The following CSGALNACT1 variants were observed in gnomAD, a reference collection of about 807,000 sequenced individuals.
The protein encoded by CSGALNACT1 is beta4GalNAcT-1.
Under a neutral mutation model 51.0 loss-of-function variants are expected in CSGALNACT1, and 52 were observed. The observed-to-expected ratio is 1.02, with a 90% confidence interval of 0.82 to 1.29. The LOEUF is 1.29. Ranked by LOEUF, CSGALNACT1 falls within the 50% of genes most tolerant of loss-of-function variation. The probability of loss-of-function intolerance (pLI) is 0.00; values close to 1 mark genes in which losing one functional copy is unlikely to be tolerated. For missense variants in CSGALNACT1, 935 were observed against 679.2 expected (o/e 1.38, Z -4.19); for synonymous variants, 341 against 254.4 (o/e 1.34, Z -3.24).
At chr8:19,736,462 T>C (rs1437448717) in intron 1 of CSGALNACT1, among the ~76,000 whole-genome samples, 2 of 151,548 alleles carry the variant, frequency 1.3e-5, no homozygotes, top group Non-Finnish European at 2.9e-5. Flanking sequence ...TATCACTTCC[T>C]ATAGGGTTTT....
intron 2 of CSGALNACT1, among the ~76,000 whole-genome samples, chr8:19,601,165 C>T (rs1317800996): frequency 1.3e-5 from 2 of 152,154 alleles, no homozygotes; most frequent in Non-Finnish European, 2.9e-5. Context: ...AAGAGCAGAA[C>T]TAAAACAACA....
At chr8:19,667,006 A>AG (rs1299290566) in intron 1 of CSGALNACT1, among the ~76,000 whole-genome samples, 384 of 30,744 alleles carry the variant, frequency 0.012, 15 homozygotes, top group Middle Eastern at 0.033. Context: ...AAAGAAAGAA[A>AG]GAAAGAAAGA....
chr8:19,536,503 G>T (rs1342131778), intron 3 of CSGALNACT1, among the ~76,000 whole-genome samples: 1 of 152,052 alleles, frequency 6.6e-6, no homozygotes, highest in Non-Finnish European at 1.5e-5. Context: ...ACAAGACACA[G>T]ATGAAAATTT....
At chr8:19,700,794 C>A (rs1039638544) in intron 1 of CSGALNACT1, among the ~76,000 whole-genome samples, 8 of 152,188 alleles carry the variant, frequency 5.3e-5, no homozygotes, top group African/African-American at 1.9e-4. Context: ...TTCTTTGAAA[C>A]CCTTGAGGTC....
upstream of CSGALNACT1, among the ~76,000 whole-genome samples, chr8:19,604,100 G>A (rs192559327): frequency 9.2e-5 from 14 of 152,224 alleles, no homozygotes; most frequent in South Asian, 1.0e-3. Flanking sequence ...CTCCTTAGCC[G>A]TTCCAAGCAT....
At chr8:19,443,069 C>T (rs2061575095) in intron 5 of CSGALNACT1, among the ~76,000 whole-genome samples, 3 of 152,154 alleles carry the variant, frequency 2.0e-5, no homozygotes, top group African/African-American at 4.8e-5. Flanking sequence ...AACCACCATT[C>T]GGCTGCACCC....
chr8:19,584,113 G>T (rs2046152146), intron 3 of CSGALNACT1, among the ~76,000 whole-genome samples: 2 of 152,182 alleles, frequency 1.3e-5, no homozygotes. Context: ...GTAGTAAAGA[G>T]GCCATTTCTG....
At chr8:19,600,324 C>A (rs1204667894) in intron 2 of CSGALNACT1, among the ~76,000 whole-genome samples, 1 of 152,328 alleles carries the variant, frequency 6.6e-6, no homozygotes, top group East Asian at 1.9e-4. Context: ...TTGTGATCCA[C>A]CTGCTTCGGT....
chr8:19,756,553 C>T (rs28428748), intron 1 of CSGALNACT1, among the ~76,000 whole-genome samples: 1 of 151,654 alleles, frequency 6.6e-6, no homozygotes, highest in African/African-American at 2.4e-5. Context: ...CTACAGCTTT[C>T]CTCTCCTCCC....
intron 8 of CSGALNACT1, among the ~76,000 whole-genome samples, chr8:19,411,635 G>T (rs999675108): frequency 9.2e-5 from 14 of 152,192 alleles, no homozygotes; most frequent in African/African-American, 3.4e-4. Context: ...GTCTAAGGTG[G>T]AGTGTGTGAC....
rs115730539 is a variant in CSGALNACT1 at position 19,478,697 on chromosome 8, A to G, written c.635-20055T>C. ...ATTCTAGGAGTTAAGTGATGATAAA[A>G]ATAATGACCCCCCCTTTCTCCACTG... On this transcript the variant is annotated intron_variant, in intron 4 of 9. Transcript: ENST00000454498. 6.4e-3 allele frequency among the ~76,000 whole-genome samples: 974 copies of G among 152,164 alleles called. 19 individuals carry two copies. The highest frequency in any genetic ancestry group is 0.022 in the African/African-American group (928 of 41,424).
intron 2 of CSGALNACT1, among the ~76,000 whole-genome samples, chr8:19,601,038 C>T (rs11204057): frequency 0.9 from 137,196 of 152,194 alleles, 61,867 homozygotes; most frequent in East Asian, 1. Flanking sequence ...TTCATACCAT[C>T]GCATGTCAAC....
chr8:19,409,311 C>A (rs562270339), intron 8 of CSGALNACT1, among the ~76,000 whole-genome samples: 141 of 152,316 alleles, frequency 9.3e-4, no homozygotes, highest in Non-Finnish European at 1.8e-3. Flanking sequence ...AAGAAAGACT[C>A]TGTCCATTCA....
intron 6 of CSGALNACT1, among the ~76,000 whole-genome samples, chr8:19,423,154 AC>A (rs778549115): frequency 6.6e-6 from 1 of 152,198 alleles, no homozygotes; most frequent in Non-Finnish European, 1.5e-5. Context: ...ACAGCAAGTG[AC>A]TTTTGCCAAG....
chr8:19,701,747 AAAGTTT>A lies in CSGALNACT1; in HGVS notation c.-297+56097_-297+56102del, dbSNP rs1249615514. ...CTACATGTCACGTACTGAAGCCCAG[AAAGTTT>A]AAGTAATTTACCCAAGATCTTGTGG... On this transcript the variant is annotated intron_variant, in intron 1 of 1. Coordinates refer to the CSGALNACT1 transcript ENST00000517494. 3.3e-5 allele frequency among the ~76,000 whole-genome samples: 5 copies of A among 152,312 alleles called. No homozygotes were observed. In the East Asian group the frequency reaches 7.7e-4, roughly 24 times the overall value.
chr8:19,513,430 C>CTATATATATATATATATATA (rs1457528458), intron 3 of CSGALNACT1, among the ~76,000 whole-genome samples: 1 of 78,726 alleles, frequency 1.3e-5, no homozygotes, highest in African/African-American at 4.4e-5. Context: ...CTCTCTCTCT[C>CTATATATATATATATATATA]TCTCTCTATA....
chr8:19,444,291 T>C (rs974727939), intron 5 of CSGALNACT1, among the ~76,000 whole-genome samples: 3 of 152,212 alleles, frequency 2.0e-5, no homozygotes, highest in African/African-American at 7.2e-5. Flanking sequence ...TTGTTCTGTA[T>C]CATCTAGGGA....
chr8:19,572,384 T>C (rs1020557932), intron 3 of CSGALNACT1, among the ~76,000 whole-genome samples: 1 of 152,212 alleles, frequency 6.6e-6, no homozygotes, highest in Non-Finnish European at 1.5e-5. Flanking sequence ...ACACTGATTC[T>C]AAGAGAAAAC....
chr8:19,494,538 T>C (rs2153971226), intron 4 of CSGALNACT1, among the ~76,000 whole-genome samples: 1 of 152,326 alleles, frequency 6.6e-6, no homozygotes, highest in Middle Eastern at 3.4e-3. Context: ...TCTAACTCTG[T>C]CCATCTCCAG....
Sources: allele counts gnomAD v4.1 joint callset (sites outside exome capture counted in the v4.1 genomes callset), GRCh38; gene constraint gnomAD v4.1.1; transcripts MANE v1.5; gene names NCBI Gene and HGNC (gene_info 2026-07-23, HGNC 2026-07-21).